Variants in BRINP3 observed in about 807,000 individuals in gnomAD.
BRINP3 encodes BMP/retinoic acid inducible neural specific 3.
A neutral mutation model predicts 71.0 loss-of-function variants in BRINP3; 19 were observed. That is an observed-to-expected ratio of 0.27 (90% CI 0.19 to 0.39). BRINP3 has a LOEUF of 0.39. Ranked by LOEUF, BRINP3 falls within the 10% of genes least tolerant of loss-of-function variation. The probability of loss-of-function intolerance (pLI) is 1.00; values close to 1 mark genes in which losing one functional copy is unlikely to be tolerated. For missense variants in BRINP3, 959 were observed against 940.8 expected (o/e 1.02, Z -0.25); for synonymous variants, 380 against 337.7 (o/e 1.13, Z -1.37).
At chr1:190,264,286 G>T (rs1661457476) in intron 4 of BRINP3, among the ~76,000 whole-genome samples, 1 of 151,864 alleles carries the variant, frequency 6.6e-6, no homozygotes, top group South Asian at 2.1e-4. Flanking sequence ...TGTATTCAAA[G>T]TCAAATGACT....
intron 6 of BRINP3, among the ~76,000 whole-genome samples, chr1:190,184,658 G>A (rs772161521): frequency 2.6e-5 from 4 of 152,026 alleles, no homozygotes; most frequent in Non-Finnish European, 4.4e-5. Flanking sequence ...GTCTTCTCAC[G>A]TATAGACGTA....
intron 1 of BRINP3, among the ~76,000 whole-genome samples, 155 bp from the exon 2 acceptor site, chr1:190,455,095 TA>T (rs1222841499): frequency 6.6e-6 from 1 of 152,210 alleles, no homozygotes. Flanking sequence ...ATTATTTTTT[TA>T]GAGCTGTATA....
At chr1:190,268,475 G>A (rs908044674) in intron 3 of BRINP3, among the ~76,000 whole-genome samples, 1 of 152,038 alleles carries the variant, frequency 6.6e-6, no homozygotes, top group African/African-American at 2.4e-5. Flanking sequence ...AAACACAGGA[G>A]GCATCTCTAT....
chr1:190,146,968 A>T (rs1655942234), intron 7 of BRINP3, among the ~76,000 whole-genome samples: 1 of 152,018 alleles, frequency 6.6e-6, no homozygotes. Flanking sequence ...ATTTCCCTTA[A>T]ATTGCCACAA....
intron 6 of BRINP3, among the ~76,000 whole-genome samples, chr1:190,198,960 C>T (rs1414999195): frequency 6.6e-6 from 1 of 152,138 alleles, no homozygotes. Context: ...CTAATAAAGA[C>T]ATACTAGAGA....
chr1:190,245,404 GA>G (rs1216155913), intron 4 of BRINP3, among the ~76,000 whole-genome samples: 1 of 151,620 alleles, frequency 6.6e-6, no homozygotes, highest in East Asian at 1.9e-4. Flanking sequence ...TAGTGTGCAT[GA>G]ATTACAAATA....
intron 2 of BRINP3, among the ~76,000 whole-genome samples, chr1:190,401,130 G>A (rs541131830): frequency 6.6e-6 from 1 of 152,184 alleles, no homozygotes; most frequent in Admixed American, 6.5e-5. Flanking sequence ...TGCCGAGGCA[G>A]GCAAATCACT....
chr1:190,403,455 T>C (rs1571961333), intron 2 of BRINP3, among the ~76,000 whole-genome samples: 1 of 152,280 alleles, frequency 6.6e-6, no homozygotes, highest in South Asian at 2.1e-4. Flanking sequence ...TGCATCAAAA[T>C]GCCTGGCAAC....
intron 2 of BRINP3, among the ~76,000 whole-genome samples, chr1:190,286,659 A>G (rs994652287): frequency 5.3e-5 from 8 of 152,186 alleles, no homozygotes; most frequent in African/African-American, 1.9e-4. Flanking sequence ...TTTTCACATT[A>G]CTATATTTGT....
chr1:190,239,400 A>C (rs1383679679), intron 4 of BRINP3, among the ~76,000 whole-genome samples: 1 of 152,114 alleles, frequency 6.6e-6, no homozygotes. Context: ...CTAACACTAG[A>C]AGTTTATTTT....
intron 7 of BRINP3, 83 bp from the exon 8 acceptor site, chr1:190,099,217 C>T: frequency 2.9e-6 from 4 of 1,361,382 alleles, no homozygotes; most frequent in Non-Finnish European, 4.0e-6. Context: ...GAAATCTTTG[C>T]TATCATTTCT....
chr1:190,310,474 A>C (rs562667082), intron 2 of BRINP3, among the ~76,000 whole-genome samples: 11 of 151,880 alleles, frequency 7.2e-5, no homozygotes, highest in African/African-American at 1.9e-4. Context: ...TGATTACAAC[A>C]GCATTCTGAA....
At chr1:190,220,301 C>CAA (rs1201235199) in intron 6 of BRINP3, among the ~76,000 whole-genome samples, 7 of 152,056 alleles carry the variant, frequency 4.6e-5, no homozygotes, top group African/African-American at 1.7e-4. Context: ...ATCAGAAAAC[C>CAA]AAACACTGCA....
chr1:190,474,101 T>C (rs1376034236), intron 1 of BRINP3, among the ~76,000 whole-genome samples: 1 of 152,228 alleles, frequency 6.6e-6, no homozygotes, highest in East Asian at 1.9e-4. Context: ...TTCCATGTTT[T>C]ATTAAGATTA....
At chr1:190,113,320 T>G (rs2102289853) in intron 7 of BRINP3, among the ~76,000 whole-genome samples, 1 of 152,272 alleles carries the variant, frequency 6.6e-6, no homozygotes, top group South Asian at 2.1e-4. Flanking sequence ...CTGCTCCTCC[T>G]TCTTCTTCCT....
At chr1:190,136,831 T>C (rs1229711952) in intron 7 of BRINP3, among the ~76,000 whole-genome samples, 1 of 152,080 alleles carries the variant, frequency 6.6e-6, no homozygotes, top group Non-Finnish European at 1.5e-5. Flanking sequence ...GGGATAATCA[T>C]GGTTGCCAAT....
chr1:190,165,884 G>A (rs1403288835), intron 6 of BRINP3, among the ~76,000 whole-genome samples: 3 of 152,038 alleles, frequency 2.0e-5, no homozygotes. Flanking sequence ...AAGTTACCAA[G>A]GGCTGAAATG....
At chr1:190,120,594 C>G (rs1653559677) in intron 7 of BRINP3, among the ~76,000 whole-genome samples, 1 of 151,910 alleles carries the variant, frequency 6.6e-6, no homozygotes, top group Admixed American at 6.6e-5. Context: ...CTCCCGGGTT[C>G]AAGCAATTCT....
chr1:190,165,761 G>C (rs542224927), intron 6 of BRINP3, among the ~76,000 whole-genome samples: 1 of 151,964 alleles, frequency 6.6e-6, no homozygotes, highest in African/African-American at 2.4e-5. Flanking sequence ...CTTTAAGTCA[G>C]TAAGATACAA....
Sources: allele counts gnomAD v4.1 joint callset (sites outside exome capture counted in the v4.1 genomes callset), GRCh38; gene constraint gnomAD v4.1.1; transcripts MANE v1.5; gene names NCBI Gene and HGNC (gene_info 2026-07-23, HGNC 2026-07-21).